SLC35F3: variants seen among roughly 807,000 people sequenced by gnomAD.
SLC35F3 encodes the protein putative thiamine transporter SLC35F3.
SLC35F3 carries 25 observed loss-of-function variants against 49.9 expected under a neutral mutation model. The ratio of observed to expected loss-of-function variants is 0.50; its 90% CI spans 0.37 to 0.70. The LOEUF is 0.70. Ranked by LOEUF, SLC35F3 falls within the 30% of genes least tolerant of loss-of-function variation. The pLI, the probability that SLC35F3 is intolerant of heterozygous loss-of-function variation, is 0.00. For synonymous variants in SLC35F3, 275 were observed against 265.4 expected, an observed-to-expected ratio of 1.04 and a Z score of -0.35; for missense variants, 525 against 639.8, an observed-to-expected ratio of 0.82 and a Z score of 1.94.
intron 2 of SLC35F3, among the ~76,000 whole-genome samples, chr1:233,917,419 G>T (rs1198997771): frequency 6.6e-6 from 1 of 151,822 alleles, no homozygotes; most frequent in African/African-American, 2.4e-5. Context: ...TGTTCATTTG[G>T]TGTATCCCAG....
chr1:233,988,834 A>G (rs1663310077), intron 2 of SLC35F3, among the ~76,000 whole-genome samples: 1 of 152,168 alleles, frequency 6.6e-6, no homozygotes, highest in African/African-American at 2.4e-5. Flanking sequence ...TTTCTCCTTA[A>G]GTTTCAAAAG....
chr1:234,192,954 A>C (rs1485195435), intron 2 of SLC35F3, among the ~76,000 whole-genome samples: 1 of 152,198 alleles, frequency 6.6e-6, no homozygotes, highest in Non-Finnish European at 1.5e-5. Flanking sequence ...TAGACAACAC[A>C]AACAAATGGA....
chr1:234,136,219 C>T, intron 2 of SLC35F3, among the ~76,000 whole-genome samples: 1 of 151,672 alleles, frequency 6.6e-6, no homozygotes, highest in East Asian at 1.9e-4. Flanking sequence ...TCTTCCCTTC[C>T]CTTCTCCTTC....
chr1:234,036,932 A>C lies in SLC35F3; in HGVS notation c.283+131174A>C, dbSNP rs140728448. Among the ~76,000 whole-genome samples the C allele has an allele frequency of 1.8e-4, 27 of 152,336 alleles. No individual in the cohort carries two copies. The East Asian group carries it at 5.2e-3, about 29-fold the overall frequency. ...TTATAAGTAAGTAGTTTTCCAATGT[A>C]CAAAAACTTGTATTAATCAAACATC... On this transcript the variant is annotated intron_variant, in intron 2 of 7. Transcript: ENST00000366618.
At chr1:233,970,225 C>T (rs1662970676) in intron 2 of SLC35F3, among the ~76,000 whole-genome samples, 1 of 152,090 alleles carries the variant, frequency 6.6e-6, no homozygotes, top group Non-Finnish European at 1.5e-5. Context: ...TCAGAGTTAG[C>T]ACCCGGCCAC....
chr1:234,259,819 T>C (rs1008061691), intron 3 of SLC35F3, among the ~76,000 whole-genome samples: 1 of 152,170 alleles, frequency 6.6e-6, no homozygotes, highest in Admixed American at 6.5e-5. Context: ...ACTATATCTA[T>C]AGATCCATGA....
At chr1:234,097,943 A>G (rs1665148709) in intron 2 of SLC35F3, among the ~76,000 whole-genome samples, 1 of 152,050 alleles carries the variant, frequency 6.6e-6, no homozygotes, top group African/African-American at 2.4e-5. Flanking sequence ...TTATAGGGTG[A>G]TGGTGGAGGT....
chr1:234,062,758 C>A (rs1021939565), intron 2 of SLC35F3, among the ~76,000 whole-genome samples: 1 of 151,596 alleles, frequency 6.6e-6, no homozygotes, highest in Non-Finnish European at 1.5e-5. Context: ...CCTTTCCCTG[C>A]AAGCTCTGCC....
chr1:234,143,699 G>T (rs1665954551), intron 2 of SLC35F3, among the ~76,000 whole-genome samples: 1 of 152,134 alleles, frequency 6.6e-6, no homozygotes, highest in Non-Finnish European at 1.5e-5. Flanking sequence ...TATCCATGTT[G>T]ACATGGATGG....
chr1:234,141,286 G>A (rs1665910165), intron 2 of SLC35F3, among the ~76,000 whole-genome samples: 1 of 152,156 alleles, frequency 6.6e-6, no homozygotes, highest in South Asian at 2.1e-4. Context: ...GGAATGTTCA[G>A]TATGGCTCCA....
At chr1:234,139,514 C>T (rs959852658) in intron 2 of SLC35F3, among the ~76,000 whole-genome samples, 1 of 152,150 alleles carries the variant, frequency 6.6e-6, no homozygotes, top group African/African-American at 2.4e-5. Flanking sequence ...GTTTTTATAT[C>T]GTCCTTTTAC....
At chr1:234,147,846 C>T (rs1442147017) in intron 2 of SLC35F3, among the ~76,000 whole-genome samples, 1 of 152,198 alleles carries the variant, frequency 6.6e-6, no homozygotes, top group East Asian at 1.9e-4. Context: ...GGTTCCACCC[C>T]CAGAGTCTCT....
At chr1:234,132,243 C>A (rs1269321430) in intron 2 of SLC35F3, among the ~76,000 whole-genome samples, 1 of 152,176 alleles carries the variant, frequency 6.6e-6, no homozygotes, top group Non-Finnish European at 1.5e-5. Flanking sequence ...TATATAACAT[C>A]CTGCTTCAAC....
At chr1:234,128,066 G>A (rs1331330766) in intron 2 of SLC35F3, among the ~76,000 whole-genome samples, 1 of 152,158 alleles carries the variant, frequency 6.6e-6, no homozygotes, top group Non-Finnish European at 1.5e-5. Context: ...GGGAAGAGTT[G>A]GAGTTAAGTG....
chr1:234,108,976 C>T (rs959457967), intron 2 of SLC35F3, among the ~76,000 whole-genome samples: 5 of 151,724 alleles, frequency 3.3e-5, no homozygotes, highest in African/African-American at 4.8e-5. Context: ...CAGAGTGTCT[C>T]CTGCTCTGGA....
chr1:234,277,516 G>A (rs187970346), intron 3 of SLC35F3, among the ~76,000 whole-genome samples: 2 of 152,260 alleles, frequency 1.3e-5, no homozygotes, highest in East Asian at 3.9e-4. Context: ...GTAGAAAAAC[G>A]TTTTCTACAT....
chr1:233,919,838 A>G (rs12089803), intron 2 of SLC35F3, among the ~76,000 whole-genome samples: 2,013 of 152,210 alleles, frequency 0.013, 48 homozygotes, highest in African/African-American at 0.043. Flanking sequence ...CTCTGGAGGA[A>G]GTTGCTGTAT....
intron 3 of SLC35F3, among the ~76,000 whole-genome samples, chr1:234,234,876 C>A (rs1289972882): frequency 6.6e-6 from 1 of 152,200 alleles, no homozygotes; most frequent in African/African-American, 2.4e-5. Context: ...TATGAAAGCG[C>A]CCTATACACT....
chr1:234,040,068 G>C (rs1201507789), intron 2 of SLC35F3, among the ~76,000 whole-genome samples: 1 of 152,154 alleles, frequency 6.6e-6, no homozygotes, highest in East Asian at 1.9e-4. Flanking sequence ...TGGATGAATT[G>C]AATAATGGTA....
Sources: gnomAD v4.1 joint callset for allele counts (sites outside exome capture counted in the v4.1 genomes callset) on GRCh38, gnomAD v4.1.1 for gene constraint, MANE v1.5 for transcripts, NCBI Gene and HGNC (gene_info 2026-07-23, HGNC 2026-07-21) for gene names.